SGO2: variants seen among roughly 807,000 people sequenced by gnomAD.
SGO2 encodes shugoshin 2, also known as shugoshin-like 2.
A neutral mutation model predicts 99.5 loss-of-function variants in SGO2; 68 were observed. The observed-to-expected ratio is 0.68, with a 90% CI of 0.56 to 0.84. The LOEUF is 0.84. Ranked by LOEUF, SGO2 falls within the 40% of genes least tolerant of loss-of-function variation. The probability of loss-of-function intolerance (pLI) is 0.00; values close to 1 mark genes in which losing one functional copy is unlikely to be tolerated. For synonymous variants in SGO2, 457 were observed against 487.1 expected, an observed-to-expected ratio of 0.94 and a Z score of 0.81; for missense variants, 1,350 against 1,436.7, an observed-to-expected ratio of 0.94 and a Z score of 0.97.
intron 8 of SGO2, among the ~76,000 whole-genome samples, chr2:200,576,628 G>A (rs1406518208): frequency 1.3e-5 from 2 of 152,106 alleles, no homozygotes; most frequent in Non-Finnish European, 2.9e-5. Context: ...TCATCAATAT[G>A]TGCAACCATT....
In SGO2 at chr2:200,570,393, C is replaced by G. The variant is rs535058578; in HGVS notation, c.703+501C>G. 6.6e-6 allele frequency among the ~76,000 whole-genome samples: 1 copy of G among 151,576 alleles called. No individual in the cohort carries two copies. Among genetic ancestry groups the G allele is most frequent in the African/African-American group, 2.4e-5 (1 of 41,342 alleles). ...AATCTGTGGTGTAGTCTGGTGCTTA[C>G]AGATTTGCCATAGATTTTCAGACTG... is the stretch of plus-strand genomic sequence containing the variant. On this transcript the variant is annotated intron_variant, in intron 6 of 8. Coordinates refer to ENST00000357799, the MANE Select transcript of SGO2 (RefSeq NM_152524.6). This position sits in a 1 kb window ranked among gnomAD's most constrained non-coding sequence, Gnocchi z 4.4.
Position 200,536,058 on chromosome 2 carries a change from T to C in SGO2, c.310-7T>C, listed in dbSNP as rs764868650. Reference sequence around the variant, plus strand: ...GATTAAAAGGGGTCTTTATTTTACATGTGCAGAATAAGAAGCTTATAGACA... The same window carrying C: ...GATTAAAAGGGGTCTTTATTTTACACGTGCAGAATAAGAAGCTTATAGACA... On this transcript the variant is annotated splice_region_variant and splice_polypyrimidine_tract_variant and intron_variant, in intron 3 of 8. Coordinates refer to ENST00000357799, the MANE Select transcript of SGO2 (RefSeq NM_152524.6). 1.3e-6 allele frequency: 2 copies of C among 1,525,216 alleles called. No individual in the cohort carries two copies. The highest frequency in any genetic ancestry group is 1.3e-5 in the South Asian group (1 of 79,170). 94.5% of individuals were successfully genotyped at this position (1,525,216 alleles called of 1,614,324 possible).
chr2:200,556,853 G>C (rs2032740383), intron 5 of SGO2, among the ~76,000 whole-genome samples: 1 of 152,198 alleles, frequency 6.6e-6, no homozygotes, highest in South Asian at 2.1e-4. Flanking sequence ...CAGAGACAGA[G>C]AGACAGAGAG....
chr2:200,563,190 G>T (rs1333209229), intron 5 of SGO2, among the ~76,000 whole-genome samples: 2 of 152,142 alleles, frequency 1.3e-5, no homozygotes, highest in East Asian at 1.9e-4. Flanking sequence ...TGGAGGCTGT[G>T]GGTTTGTCAT....
chr2:200,562,588 G>A (rs2033015560), intron 5 of SGO2, among the ~76,000 whole-genome samples: 1 of 152,184 alleles, frequency 6.6e-6, no homozygotes. Context: ...TTCCAATTCT[G>A]TGAAGGAAGT....
intron 3 of SGO2, 60 bp from the exon 4 acceptor site, chr2:200,536,005 A>G (rs2031671823): frequency 1.9e-6 from 2 of 1,079,906 alleles, no homozygotes; most frequent in South Asian, 1.8e-5. Context: ...TAAATGCCTG[A>G]TATTATAATA....
In SGO2 at chr2:200,574,094, CAA is replaced by C. The variant is rs892118287; in HGVS notation, c.3631+118_3631+119del. On this transcript the variant is annotated intron_variant, in intron 7 of 8. Transcript: ENST00000357799. ...CTGGTATTTTTATGGAATTTAAAAACAATATATAACTGAGTACATGATCCATA... is the reference window on the plus strand; with the variant it reads ...CTGGTATTTTTATGGAATTTAAAAACTATATAACTGAGTACATGATCCATA... The C allele has an allele frequency of 2.4e-5, 17 of 715,796 alleles. No individual in the cohort carries two copies. In the African/African-American group the frequency reaches 3.1e-4, roughly 13 times the overall value. 44.3% of individuals were successfully genotyped at this position (715,796 alleles called of 1,614,324 possible).
intron 2 of SGO2, among the ~76,000 whole-genome samples, chr2:200,533,593 C>G (rs2031537558): frequency 6.7e-6 from 1 of 150,064 alleles, no homozygotes; most frequent in Non-Finnish European, 1.5e-5. Flanking sequence ...ACACTGAGCA[C>G]TTTGGAAATG....
In SGO2 at chr2:200,575,416, G is replaced by A. The variant is rs1346011562; in HGVS notation, c.3737G>A (p.Arg1246Lys). The A allele has an allele frequency of 4.4e-6, 7 of 1,603,140 alleles. No individual in the cohort carries two copies. The highest frequency in any genetic ancestry group is 1.3e-5 in the African/African-American group (1 of 74,738). ...CTATCTTCAGAACGGACAAGCAGAA[G>A]AAGAAGGTGTACTCCTTTCTATTTT... ...EDLSSERTSR[R>K]RRCTPFYFKE... The change falls in exon 8 of 9, where the codon AGA (arginine) becomes AAA (lysine). Residue 1246 changes from arginine (R) to lysine (K), a missense_variant. Transcript: ENST00000357799.
At chr2:200,580,678 A>C (rs2033815147) in intron 8 of SGO2, 1 of 238,128 alleles carries the variant, frequency 4.2e-6, no homozygotes, top group Non-Finnish European at 8.4e-6. Flanking sequence ...CAAAAAATTT[A>C]AAAATCAGCC....
chr2:200,536,469 T>C (rs905479858), intron 4 of SGO2, among the ~76,000 whole-genome samples: 1 of 152,092 alleles, frequency 6.6e-6, no homozygotes, highest in Non-Finnish European at 1.5e-5. Context: ...TTTTTGTTTT[T>C]TGTTTGTTTG....
chr2:200,532,972 A>G lies in SGO2; in HGVS notation c.-2-2A>G. 4 of 1,601,412 alleles carry G rather than the reference A, an allele frequency of 2.5e-6. No individual in the cohort carries two copies. Among genetic ancestry groups the G allele is most frequent in the Non-Finnish European group, 3.4e-6 (4 of 1,176,660 alleles). On this transcript the variant is annotated splice_acceptor_variant, in intron 1 of 8. Coordinates refer to ENST00000357799, the MANE Select transcript of SGO2 (RefSeq NM_152524.6). LOFTEE classifies it low-confidence loss of function (5UTR_SPLICE). ...CTATGATTTTTTTTTCTTTCACTTC[A>G]GTGATGGAGTGCCCAGTGATGGAAA...
chr2:200,571,906 T>C lies in SGO2; in HGVS notation c.1560T>C (p.Asp520=), dbSNP rs762456563. The change falls in exon 7 of 9, where the codon GAT becomes GAC. Residue 520 remains aspartate, a synonymous_variant. Transcript: ENST00000357799. ...SGKFHQESKF[D]KGQNSLTCNK... is the part of the protein sequence containing the mutation. ...AATTTCACCAGGAGAGTAAATTTGA[T>C]AAGGGTCAGAATTCCCTAACTTGTA... The C allele has an allele frequency of 6.2e-7, 1 of 1,613,570 alleles. No individual in the cohort carries two copies. The highest frequency in any genetic ancestry group is 1.1e-5 in the South Asian group (1 of 91,020).
rs893303174 is a variant in SGO2, at chr2:200,532,291, T to G, written c.-2-683T>G. On this transcript the variant is annotated intron_variant, in intron 1 of 8. Coordinates refer to ENST00000357799, the MANE Select transcript of SGO2 (RefSeq NM_152524.6). ...TTTTTTGTTTTTTTTTTTGTTTTTTTTTTTTTTTCAGATCTCTTCAGATGG... is the reference window on the plus strand; with the variant it reads ...TTTTTTGTTTTTTTTTTTGTTTTTTGTTTTTTTTCAGATCTCTTCAGATGG... The G allele has an allele frequency of 3.3e-5, 17 of 520,674 alleles. 1 individual carries two copies. The highest frequency in any genetic ancestry group is 2.2e-4 in the African/African-American group (10 of 46,454). The allele number at this position is 520,674 out of a possible 1,614,324, so 32.3% of individuals were successfully genotyped here. A position where few individuals can be genotyped will look rare whatever the true frequency, so the allele number is the denominator to read the frequency against.
chr2:200,534,139 A>G lies in SGO2; in HGVS notation c.134-857A>G, dbSNP rs923023889. Among the ~76,000 whole-genome samples the G allele has an allele frequency of 3.0e-4, 46 of 152,162 alleles. 2 individuals are homozygous for G. Among genetic ancestry groups the G allele is most frequent in the Admixed American group, 2.0e-3 (31 of 15,276 alleles). ...CTGAGTACTTATAAAATGTTATTAA[A>G]TTTTATAAAACTTATTTCACATACA... On this transcript the variant is annotated intron_variant, in intron 2 of 8. Transcript: ENST00000357799.
In SGO2 at chr2:200,557,290, AAG is replaced by A. The variant is rs936673956; in HGVS notation, c.474-12370_474-12369del. 7.8e-4 allele frequency among the ~76,000 whole-genome samples: 119 copies of A among 152,204 alleles called. 1 individual carries two copies. Among genetic ancestry groups the A allele is most frequent in the African/African-American group, 2.6e-3 (109 of 41,526 alleles). On this transcript the variant is annotated intron_variant, in intron 5 of 8. Coordinates refer to ENST00000357799, the MANE Select transcript of SGO2 (RefSeq NM_152524.6). ...TGGTGAAGCATCCTTGCCTTTTATT[AAG>A]AGGGGCCTTTAATCCACTCTGTCTT...
chr2:200,547,767 C>A (rs1312831376), intron 5 of SGO2, among the ~76,000 whole-genome samples: 1 of 151,980 alleles, frequency 6.6e-6, no homozygotes, highest in African/African-American at 2.4e-5. Flanking sequence ...AAACTCACTT[C>A]ACCTGCAAAG....
At chr2:200,535,314 A>C in intron 3 of SGO2, 143 bp downstream of exon 3, 1 of 658,636 alleles carries the variant, frequency 1.5e-6, no homozygotes, top group Non-Finnish European at 2.4e-6. Flanking sequence ...TCTATGTCAA[A>C]GTACAAACTG....
chr2:200,580,865 A>T (rs897850343), intron 8 of SGO2, among the ~76,000 whole-genome samples: 18 of 151,950 alleles, frequency 1.2e-4, no homozygotes, highest in East Asian at 5.8e-4. Flanking sequence ...ACACAAAAAA[A>T]TTTTTTTTTA....
Sources: gnomAD v4.1 joint callset for allele counts (sites outside exome capture counted in the v4.1 genomes callset) on GRCh38, gnomAD v4.1.1 for gene constraint, Gnocchi (gnomAD v3.1) non-coding constraint, MANE v1.5 for transcripts, NCBI Gene and HGNC (gene_info 2026-07-23, HGNC 2026-07-21) for gene names.